The following MYH10 variants were observed in gnomAD, a reference collection of about 807,000 sequenced individuals.
MYH10 encodes the protein myosin-10.
A neutral mutation model predicts 257.8 loss-of-function variants in MYH10; 55 were observed. The observed-to-expected ratio is 0.21, with a 90% confidence interval of 0.17 to 0.27. The LOEUF is 0.27. Ranked by LOEUF, MYH10 falls within the 10% of genes least tolerant of loss-of-function variation. MYH10 has a pLI of 1.00. For synonymous variants in MYH10, 854 were observed against 921.7 expected (o/e 0.93, Z 1.33); for missense variants, 1,631 against 2,500.6 (o/e 0.65, Z 7.42).
At chr17:8,514,178 T>A (rs1234746184) in intron 21 of MYH10, among the ~76,000 whole-genome samples, 2 of 152,182 alleles carry the variant, frequency 1.3e-5, no homozygotes, top group African/African-American at 4.8e-5. Flanking sequence ...CTCAGCCATA[T>A]ACCCACACTG....
chr17:8,511,061 C>CATATATAT (rs1567823709), intron 24 of MYH10: 1 of 65,694 alleles, frequency 1.5e-5, no homozygotes, highest in African/African-American at 5.0e-5. Flanking sequence ...TATATATATA[C>CATATATAT]ACACATACAT....
At chr17:8,548,556 C>T (rs1301983825) in intron 10 of MYH10, 88 bp downstream of exon 10, 10 of 1,500,182 alleles carry the variant, frequency 6.7e-6, no homozygotes, top group South Asian at 1.3e-5. Context: ...TCATTAGTTT[C>T]CCAGTCATTT....
At chr17:8,549,432 T>C (rs1484938767) in intron 9 of MYH10, among the ~76,000 whole-genome samples, 1 of 152,230 alleles carries the variant, frequency 6.6e-6, no homozygotes. Context: ...AAAGAGAACT[T>C]ACTCTTTTGA....
At chr17:8,591,673 G>A (rs754754678) in intron 3 of MYH10, among the ~76,000 whole-genome samples, 5 of 152,030 alleles carry the variant, frequency 3.3e-5, no homozygotes, top group Non-Finnish European at 7.4e-5. Flanking sequence ...TCAAAATGGC[G>A]TTCTTCCTGC....
chr17:8,485,457 C>CTTTT (rs138894418), intron 36 of MYH10, among the ~76,000 whole-genome samples: 2 of 121,146 alleles, frequency 1.7e-5, no homozygotes, highest in East Asian at 2.3e-4. Context: ...CCCAAGCTGG[C>CTTTT]TTTTTTTTTT....
chr17:8,621,577 C>T (rs1011391401), intron 2 of MYH10, among the ~76,000 whole-genome samples: 1 of 152,202 alleles, frequency 6.6e-6, no homozygotes, highest in Non-Finnish European at 1.5e-5. Context: ...ACTCTCCAGT[C>T]GCTTTCTTAT....
intron 21 of MYH10, among the ~76,000 whole-genome samples, chr17:8,514,151 A>C (rs1233778788): frequency 6.6e-6 from 1 of 152,134 alleles, no homozygotes; most frequent in Non-Finnish European, 1.5e-5. Context: ...GCTGCCCTGC[A>C]CATTCTCCTG....
Position 8,552,237 on chromosome 17 carries a change from C to T in MYH10, c.821-93G>A. 1.9e-6 allele frequency: 1 copy of T among 523,956 alleles called. No individual in the cohort carries two copies. The highest frequency in any genetic ancestry group is 5.9e-5 in the South Asian group (1 of 16,902). 32.5% of individuals were successfully genotyped at this position (523,956 alleles called of 1,614,324 possible). ...GCGTCTGTAAATTTAAATCATAAAA[C>T]ATCTTCTTTCTCTGATTATTATATA... On this transcript the variant is annotated intron_variant, in intron 8 of 42. Transcript: ENST00000360416. This position sits in a 1 kb window ranked among gnomAD's most constrained non-coding sequence, Gnocchi z 4.8.
At chr17:8,605,830 A>G (rs1471877640) in intron 2 of MYH10, among the ~76,000 whole-genome samples, 3 of 152,214 alleles carry the variant, frequency 2.0e-5, no homozygotes, top group Non-Finnish European at 2.9e-5. Context: ...TTTTCTTCAT[A>G]TGCCTTACCC....
In MYH10 at chr17:8,548,650, T is replaced by C; in HGVS notation, c.1057A>G (p.Ile353Val). Reference sequence around the variant, plus strand: ...TTAGAGAAATCACACATACACAGAATCTCTTCATGGGAGAAGCCCATTATG... The same window carrying C: ...TTAGAGAAATCACACATACACAGAACCTCTTCATGGGAGAAGCCCATTATG... Reference protein sequence around the residue: ...MHIMGFSHEEILSMLKVVSSV... With the variant: ...MHIMGFSHEEVLSMLKVVSSV... Residue 353 changes from isoleucine to valine, a missense_variant, in exon 10 of 43, where the codon ATT becomes GTT. This residue lies in a region of MYH10 where 360 missense variants were observed against 581.9 expected (regional missense o/e 0.62). Coordinates refer to ENST00000360416, the MANE Select transcript of MYH10 (RefSeq NM_001256012.3). 6.2e-7 allele frequency: 1 copy of C among 1,613,978 alleles called. No individual in the cohort carries two copies. Among genetic ancestry groups the C allele is most frequent in the Admixed American group, 1.7e-5 (1 of 60,016 alleles).
At chr17:8,594,963 G>A (rs1459115887) in intron 3 of MYH10, among the ~76,000 whole-genome samples, 1 of 152,162 alleles carries the variant, frequency 6.6e-6, no homozygotes, top group Non-Finnish European at 1.5e-5. Flanking sequence ...TGGGACCCAC[G>A]AATACAGAGG....
At chr17:8,626,696 T>C (rs539334028) in intron 1 of MYH10, among the ~76,000 whole-genome samples, 34 of 151,654 alleles carry the variant, frequency 2.2e-4, no homozygotes, top group African/African-American at 7.0e-4. Context: ...GAACAAATAA[T>C]AGGATACACA....
At chr17:8,486,574 A>G (rs2151798990) in intron 36 of MYH10, among the ~76,000 whole-genome samples, 1 of 135,366 alleles carries the variant, frequency 7.4e-6, no homozygotes, top group African/African-American at 2.7e-5. Flanking sequence ...AAAAAAAAAA[A>G]AAAAAATGGA....
chr17:8,573,756 CAAGTT>C, intron 6 of MYH10: 1 of 723,614 alleles, frequency 1.4e-6, no homozygotes, highest in South Asian at 6.3e-5. Flanking sequence ...ATGTTTATTT[CAAGTT>C]AAGTATTGTC....
chr17:8,564,486 C>A (rs1035146386), intron 7 of MYH10, among the ~76,000 whole-genome samples: 1 of 152,196 alleles, frequency 6.6e-6, no homozygotes, highest in African/African-American at 2.4e-5. Flanking sequence ...AAAATGGGGG[C>A]ATGCATATTC....
At chr17:8,533,633 AT>A (rs1597758064) in intron 16 of MYH10, among the ~76,000 whole-genome samples, 1 of 152,200 alleles carries the variant, frequency 6.6e-6, no homozygotes, top group East Asian at 1.9e-4. Flanking sequence ...TCAACAAATC[AT>A]TATTCTCTTT....
At chr17:8,541,392 G>C (rs530058562) in intron 14 of MYH10, among the ~76,000 whole-genome samples, 2 of 152,236 alleles carry the variant, frequency 1.3e-5, no homozygotes, top group South Asian at 4.1e-4. Flanking sequence ...TATTTTGGCA[G>C]ATAGCAAAAT....
At chr17:8,480,649 C>T (rs1452777014) in intron 38 of MYH10, 124 bp from the exon 39 acceptor site, 1 of 1,293,658 alleles carries the variant, frequency 7.7e-7, no homozygotes, top group Admixed American at 2.0e-5. Flanking sequence ...TTTTCTCTTT[C>T]CCCTGCACTC....
intron 9 of MYH10, among the ~76,000 whole-genome samples, chr17:8,550,489 C>T (rs1488799544): frequency 6.6e-5 from 10 of 151,450 alleles, no homozygotes; most frequent in South Asian, 4.2e-4. Flanking sequence ...CCTCTCCGCC[C>T]GGCAGCCACC....
Sources: gnomAD v4.1 joint callset for allele counts (sites outside exome capture counted in the v4.1 genomes callset) on GRCh38, gnomAD v4.1.1 for gene constraint, gnomAD v4.1.1 regional missense constraint, Gnocchi (gnomAD v3.1) non-coding constraint, MANE v1.5 for transcripts, NCBI Gene and HGNC (gene_info 2026-07-23, HGNC 2026-07-21) for gene names.